MICALL1: variants seen among roughly 807,000 people sequenced by gnomAD.
The protein encoded by MICALL1 is MICAL like 1.
Under a neutral mutation model 83.7 loss-of-function variants are expected in MICALL1, and 61 were observed. The observed-to-expected ratio is 0.73, with a 90% CI of 0.59 to 0.90. The LOEUF is 0.90. Among genes scored for constraint, MICALL1 ranks in the 40% least tolerant of loss-of-function variants. MICALL1 has a pLI of 0.00. For missense variants in MICALL1, 1,066 were observed against 1,152.0 expected, an observed-to-expected ratio of 0.93 and a Z score of 1.08; for synonymous variants, 481 against 473.6, an observed-to-expected ratio of 1.02 and a Z score of -0.20.
In MICALL1 at chr22:37,931,945, G is replaced by A; in HGVS notation, c.2016+12G>A. Reference sequence around the variant, plus strand: ...TCATCAAACGCAAGGTACCAGCTGGGAGCCCCCCGAGACCAGGCTGGCCTG... The same window carrying A: ...TCATCAAACGCAAGGTACCAGCTGGAAGCCCCCCGAGACCAGGCTGGCCTG... On this transcript the variant is annotated intron_variant, in intron 10 of 15. Transcript: ENST00000215957. The A allele has an allele frequency of 6.2e-7, 1 of 1,612,956 alleles. No homozygotes were observed. Among genetic ancestry groups the A allele is most frequent in the Non-Finnish European group, 8.5e-7 (1 of 1,179,672 alleles).
In MICALL1 at chr22:37,927,070, C is replaced by T. The variant is rs563192358; in HGVS notation, c.1466-341C>T. On this transcript the variant is annotated intron_variant, in intron 8 of 15. Coordinates refer to ENST00000215957, the MANE Select transcript of MICALL1 (RefSeq NM_033386.4). ...GCTGCGTGCTCCTCCCCTCTGCCTC[C>T]GCACTGCAGATCAGGGGCAGAGGAG... 29 of 336,418 alleles carry T rather than the reference C, an allele frequency of 8.6e-5. No homozygotes were observed. In the South Asian group the frequency reaches 2.0e-3, roughly 23 times the overall value. 20.8% of individuals were successfully genotyped at this position (336,418 alleles called of 1,614,324 possible). A position where few individuals can be genotyped will look rare whatever the true frequency, so the allele number is the denominator to read the frequency against.
intron 3 of MICALL1, among the ~76,000 whole-genome samples, chr22:37,914,021 A>G (rs947463223): frequency 1.3e-5 from 2 of 151,632 alleles, no homozygotes; most frequent in South Asian, 2.1e-4. Context: ...GATTACAGGC[A>G]TGCACCAACA....
In MICALL1 at chr22:37,911,985, C is replaced by T. The variant is rs79160628; in HGVS notation, c.180C>T (p.Phe60=). 4.5e-5 allele frequency: 72 copies of T among 1,613,986 alleles called. No homozygotes were observed. Among genetic ancestry groups the T allele is most frequent in the African/African-American group, 1.1e-4 (8 of 74,864 alleles). Residue 60 remains phenylalanine (F), a synonymous_variant, in exon 2 of 16, where the codon TTC becomes TTT. Transcript: ENST00000215957. The part of the protein sequence containing the change: ...DFDSLSKDNV[F]ENNRLAFEVA... ...ATTCGCTTTCCAAGGACAATGTCTT[C>T]GAGAATAACCGTTTGGTAAGTTCCC...
rs1249695385 is a variant in MICALL1, at chr22:37,906,727, G to A, written c.146+159G>A. Among the ~76,000 whole-genome samples, 2 of 151,486 alleles carry A rather than the reference G, an allele frequency of 1.3e-5. No homozygotes were observed. Among genetic ancestry groups the A allele is most frequent in the Non-Finnish European group, 3.0e-5 (2 of 67,734 alleles). ...GGCCCCGGACGCCGGGCGGGTCCCT[G>A]AGACCCCGGCCCAGGGCGCCCCTCC... On this transcript the variant is annotated intron_variant, in intron 1 of 15. Transcript: ENST00000215957. This position sits in a 1 kb window ranked among gnomAD's most constrained non-coding sequence, Gnocchi z 4.4.
chr22:37,912,003 A>G lies in MICALL1; in HGVS notation c.195+3A>G. 1 of 1,613,866 alleles carries G rather than the reference A, an allele frequency of 6.2e-7. No homozygotes were observed. Among genetic ancestry groups the G allele is most frequent in the South Asian group, 1.1e-5 (1 of 91,074 alleles). On this transcript the variant is annotated splice_donor_region_variant and intron_variant, in intron 2 of 15. Transcript: ENST00000215957. ...ATGTCTTCGAGAATAACCGTTTGGT[A>G]AGTTCCCGGACAGGTGGAAGCCCAA...
At chr22:37,937,262 G>A in intron 14 of MICALL1, 68 bp downstream of exon 14, 1 of 1,262,706 alleles carries the variant, frequency 7.9e-7, no homozygotes, top group Non-Finnish European at 1.1e-6. Flanking sequence ...GGCCTCATGG[G>A]TGGGGCAGCT....
Position 37,931,874 on chromosome 22 carries a change from G to A in MICALL1, c.1957G>A (p.Gly653Arg), listed in dbSNP as rs1470818053. ...ASPATKKATKGSKPVRPPAPG... is the reference protein window; with the variant it reads ...ASPATKKATKRSKPVRPPAPG... ...CCCAGCCACAAAGAAGGCCACCAAG[G>A]GATCCAAGCCAGTGAGGCCACCTGC... The change falls in exon 10 of 16, where the codon GGA (glycine) becomes AGA (arginine). Residue 653 changes from glycine to arginine, a missense_variant. Transcript: ENST00000215957. 1.2e-6 allele frequency: 2 copies of A among 1,613,994 alleles called. No homozygotes were observed. The highest frequency in any genetic ancestry group is 2.2e-5 in the East Asian group (1 of 44,890).
rs555464845 is a variant in MICALL1, at chr22:37,930,747, C to T, written c.1882-1052C>T. On this transcript the variant is annotated intron_variant, in intron 9 of 15. Transcript: ENST00000215957. The surrounding 1 kb of genome is among the most constrained non-coding windows in gnomAD (Gnocchi z 4.8). ...CACGGAAGGATGCAGAGCCTGGGCTCTGGGTGTGTGGGTACTGGGCTGTGC... is the reference window on the plus strand; with the variant it reads ...CACGGAAGGATGCAGAGCCTGGGCTTTGGGTGTGTGGGTACTGGGCTGTGC... 2.5e-4 allele frequency among the ~76,000 whole-genome samples: 38 copies of T among 152,306 alleles called. No individual in the cohort carries two copies. The highest frequency in any genetic ancestry group is 8.9e-4 in the African/African-American group (37 of 41,572).
In MICALL1 at chr22:37,906,563, C is replaced by T; in HGVS notation, c.141C>T (p.Asp47=). Residue 47 remains aspartate (D), a synonymous_variant, in exon 1 of 16, where the codon GAC becomes GAT. Transcript: ENST00000215957. This position sits in a 1 kb window ranked among gnomAD's most constrained non-coding sequence, Gnocchi z 4.4. The part of the protein sequence containing the change: ...FCAILHRHRP[D]LLDFDSLSKD... Reference sequence around the variant, plus strand: ...CCATCCTGCACCGGCACCGGCCCGACCTGCTGTGAGTGCGGGGCCCCGGGC... The same window carrying T: ...CCATCCTGCACCGGCACCGGCCCGATCTGCTGTGAGTGCGGGGCCCCGGGC... 8.5e-7 allele frequency: 1 copy of T among 1,178,102 alleles called. No homozygotes were observed. Among genetic ancestry groups the T allele is most frequent in the Non-Finnish European group, 1.1e-6 (1 of 947,372 alleles). The allele number at this position is 1,178,102 out of a possible 1,614,324, so 73.0% of individuals were successfully genotyped here.
intron 1 of MICALL1, among the ~76,000 whole-genome samples, chr22:37,908,271 T>C (rs563920156): frequency 6.6e-6 from 1 of 151,928 alleles, no homozygotes; most frequent in South Asian, 2.1e-4. Context: ...TTAGTTACTG[T>C]GAGTAACTAA....
At chr22:37,916,779 G>A (rs1280525102) in intron 3 of MICALL1, among the ~76,000 whole-genome samples, 2 of 152,194 alleles carry the variant, frequency 1.3e-5, no homozygotes, top group African/African-American at 4.8e-5. Context: ...GTAATGTCAG[G>A]ATGAAGTCCA....
chr22:37,940,924 T>C lies in MICALL1; in HGVS notation c.*94T>C. The C allele has an allele frequency of 6.6e-7, 1 of 1,522,438 alleles. No homozygotes were observed. The highest frequency in any genetic ancestry group is 2.3e-5 in the East Asian group (1 of 43,302). 94.3% of individuals were successfully genotyped at this position (1,522,438 alleles called of 1,614,324 possible). A position where few individuals can be genotyped will look rare whatever the true frequency, so the allele number is the denominator to read the frequency against. On this transcript the variant is annotated 3_prime_UTR_variant, in exon 16 of 16. Transcript: ENST00000215957. The stretch of plus-strand genomic sequence containing the variant: ...GGGCGCCCTGCTCCCCTCAGATCAG[T>C]CAGGAGGAAGATGACTAAGGGGAGG...
Position 37,930,870 on chromosome 22 carries a change from C to T in MICALL1, c.1882-929C>T, listed in dbSNP as rs1929751271. On this transcript the variant is annotated intron_variant, in intron 9 of 15. Coordinates refer to ENST00000215957, the MANE Select transcript of MICALL1 (RefSeq NM_033386.4). This position sits in a 1 kb window ranked among gnomAD's most constrained non-coding sequence, Gnocchi z 4.8. ...TGGCTGGGTGACCCTGGGTGAGGAA[C>T]TTCACCTCTCTGAGCCTCAGAGTCC... Among the ~76,000 whole-genome samples, 1 of 152,224 alleles carries T rather than the reference C, an allele frequency of 6.6e-6. No individual in the cohort carries two copies. The highest frequency in any genetic ancestry group is 1.9e-4 in the East Asian group (1 of 5,196).
chr22:37,911,037 C>G (rs955311680), intron 1 of MICALL1, among the ~76,000 whole-genome samples: 1 of 152,134 alleles, frequency 6.6e-6, no homozygotes, highest in Non-Finnish European at 1.5e-5. Context: ...GGCTGCCCGG[C>G]GGGAAGACTG....
chr22:37,906,455 G>A lies in MICALL1; in HGVS notation c.33G>A (p.Trp11Ter). The A allele has an allele frequency of 1.0e-5, 12 of 1,205,974 alleles. No individual in the cohort carries two copies. The highest frequency in any genetic ancestry group is 1.1e-5 in the Non-Finnish European group (11 of 966,720). 74.7% of individuals were successfully genotyped at this position (1,205,974 alleles called of 1,614,324 possible). Residue 11 changes from tryptophan (W) to a stop codon, truncating the protein, a stop_gained, in exon 1 of 16, where the codon TGG (tryptophan) becomes TGA (stop). Transcript: ENST00000215957. LOFTEE classifies it high-confidence loss of function. The surrounding 1 kb of genome is among the most constrained non-coding windows in gnomAD (Gnocchi z 4.4). MAGPRGALLA[W>*]CRRQCEGYRG... ...GGCCGCGGGGCGCGCTGCTGGCCTGGTGCCGCCGCCAGTGCGAGGGCTACC... is the reference window on the plus strand; with the variant it reads ...GGCCGCGGGGCGCGCTGCTGGCCTGATGCCGCCGCCAGTGCGAGGGCTACC...
intron 3 of MICALL1, among the ~76,000 whole-genome samples, chr22:37,915,835 T>C (rs1227422592): frequency 6.6e-6 from 1 of 151,836 alleles, no homozygotes; most frequent in Non-Finnish European, 1.5e-5. Context: ...TTAGTAGAGA[T>C]AGGGTTTCAC....
chr22:37,915,645 C>CT (rs34900801), intron 3 of MICALL1, among the ~76,000 whole-genome samples: 46,900 of 133,114 alleles, frequency 0.35, 9,074 homozygotes, highest in South Asian at 0.44. Flanking sequence ...GATTAGTATT[C>CT]TTTTTTTTTT....
intron 15 of MICALL1, among the ~76,000 whole-genome samples, chr22:37,939,441 A>G (rs1930309890): frequency 6.6e-6 from 1 of 152,126 alleles, no homozygotes; most frequent in African/African-American, 2.4e-5. Flanking sequence ...GTTGTAAGTA[A>G]CAGAGCTGTG....
At chr22:37,923,898 C>T (rs558634652) in intron 6 of MICALL1, among the ~76,000 whole-genome samples, 13 of 152,112 alleles carry the variant, frequency 8.5e-5, no homozygotes, top group African/African-American at 2.2e-4. Flanking sequence ...AGGTGGGCCC[C>T]GGAGCCAGTG....
Sources: gnomAD v4.1 joint callset for allele counts (sites outside exome capture counted in the v4.1 genomes callset) on GRCh38, gnomAD v4.1.1 for gene constraint, Gnocchi (gnomAD v3.1) non-coding constraint, MANE v1.5 for transcripts, NCBI Gene and HGNC (gene_info 2026-07-23, HGNC 2026-07-21) for gene names.